Variants in SLC16A4 observed in about 807,000 individuals in gnomAD.
The protein encoded by SLC16A4 is probable monocarboxylate transporter 5.
Under a neutral mutation model 47.9 loss-of-function variants are expected in SLC16A4, and 39 were observed. That is an observed-to-expected ratio of 0.81 (90% confidence interval 0.63 to 1.06). The LOEUF is 1.06. SLC16A4 is among the 50% of genes least tolerant of loss of function. SLC16A4 has a pLI of 0.00. For missense variants in SLC16A4, 524 were observed against 573.8 expected, an observed-to-expected ratio of 0.91 and a Z score of 0.89; for synonymous variants, 189 against 199.9, an observed-to-expected ratio of 0.95 and a Z score of 0.46.
chr1:110,363,699 T>C lies in SLC16A4; in HGVS notation c.*67A>G. 1 of 1,440,570 alleles carries C rather than the reference T, an allele frequency of 6.9e-7. No individual in the cohort carries two copies. The highest frequency in any genetic ancestry group is 2.4e-5 in the East Asian group (1 of 41,292). 89.2% of individuals were successfully genotyped at this position (1,440,570 alleles called of 1,614,324 possible). ...ATGCGATGTGTTTCTTTCAAGCTTT[T>C]GTTTCCAATGACATTAGTTTAGGTT... On this transcript the variant is annotated 3_prime_UTR_variant, in exon 9 of 9. Transcript: ENST00000369779.
At position 110,378,847 on chromosome 1, in the gene SLC16A4, T is replaced by A. The variant is rs573998639; in HGVS notation, c.1030+6A>T. 6.3e-7 allele frequency: 1 copy of A among 1,598,072 alleles called. No homozygotes were observed. Among genetic ancestry groups the A allele is most frequent in the Non-Finnish European group, 8.5e-7 (1 of 1,171,744 alleles). Reference sequence around the variant, plus strand: ...TTGGGTAGGAGGCTGATGTAGGCTTTCTTACCTGCTACAGAAACAAGGTAA... The same window carrying A: ...TTGGGTAGGAGGCTGATGTAGGCTTACTTACCTGCTACAGAAACAAGGTAA... On this transcript the variant is annotated splice_donor_region_variant and intron_variant, in intron 6 of 8. Transcript: ENST00000369779.
intron 8 of SLC16A4, 26 bp from the exon 9 acceptor site, chr1:110,363,919 A>G: frequency 1.3e-6 from 2 of 1,586,360 alleles, no homozygotes; most frequent in Non-Finnish European, 8.5e-7. Flanking sequence ...GATTTCTGTT[A>G]GGGAAGGAAA....
chr1:110,370,854 C>T (rs1661651053), intron 8 of SLC16A4: 1 of 152,156 alleles, frequency 6.6e-6, no homozygotes, highest in Non-Finnish European at 1.5e-5. Context: ...CTCAGAATGT[C>T]TTCAATTAAA....
intron 2 of SLC16A4, among the ~76,000 whole-genome samples, chr1:110,388,456 CCAAA>C (rs1347941107): frequency 6.6e-6 from 1 of 152,120 alleles, no homozygotes; most frequent in Non-Finnish European, 1.5e-5. Flanking sequence ...AGACAGCAGG[CCAAA>C]CAGAGGAAAT....
At chr1:110,365,502 T>A (rs1019132303) in intron 8 of SLC16A4, among the ~76,000 whole-genome samples, 1 of 152,250 alleles carries the variant, frequency 6.6e-6, no homozygotes, top group African/African-American at 2.4e-5. Flanking sequence ...GCTTTTTACT[T>A]ACTGACTCCT....
intron 8 of SLC16A4, among the ~76,000 whole-genome samples, chr1:110,369,010 A>G (rs1377096526): frequency 6.7e-6 from 1 of 149,296 alleles, no homozygotes; most frequent in Admixed American, 6.7e-5. Flanking sequence ...GCTGAAATGC[A>G]GTGGTGCAAT....
In SLC16A4 at chr1:110,379,307, A is replaced by G; in HGVS notation, c.576T>C (p.Ser192=). The G allele has an allele frequency of 6.2e-7, 1 of 1,609,360 alleles. No individual in the cohort carries two copies. The highest frequency in any genetic ancestry group is 8.5e-7 in the Non-Finnish European group (1 of 1,176,030). ...GAIALNLVPS[S]MLLRPIHIKS... Reference sequence around the variant, plus strand: ...TGATATGGATGGGTCTTAAGAGCATACTAGAAGGCACCAAATTCAATGCGA... The same window carrying G: ...TGATATGGATGGGTCTTAAGAGCATGCTAGAAGGCACCAAATTCAATGCGA... Residue 192 remains serine, a synonymous_variant, in exon 6 of 9, where the codon AGT becomes AGC. Coordinates refer to ENST00000369779, the MANE Select transcript of SLC16A4 (RefSeq NM_004696.3).
At chr1:110,370,444 A>G (rs1206653848) in intron 8 of SLC16A4, 4 of 152,256 alleles carry the variant, frequency 2.6e-5, no homozygotes, top group Non-Finnish European at 1.5e-5. Context: ...GACCAGATGG[A>G]ATTTTTGTTT....
At chr1:110,385,080 C>T (rs1350659711) in intron 2 of SLC16A4, among the ~76,000 whole-genome samples, 2 of 152,144 alleles carry the variant, frequency 1.3e-5, no homozygotes, top group African/African-American at 2.4e-5. Flanking sequence ...TCTCGGCCCG[C>T]CTGTTACAGT....
intron 6 of SLC16A4, among the ~76,000 whole-genome samples, chr1:110,377,469 A>C (rs565280228): frequency 1.3e-5 from 2 of 152,364 alleles, no homozygotes; most frequent in Middle Eastern, 3.4e-3. Context: ...CCCTGGGCAC[A>C]GAAGGCCATG....
intron 2 of SLC16A4, among the ~76,000 whole-genome samples, chr1:110,388,502 G>A (rs1021185879): frequency 6.6e-6 from 1 of 152,148 alleles, no homozygotes; most frequent in Non-Finnish European, 1.5e-5. Context: ...AAGGGGCTGT[G>A]CCCACAGTGT....
chr1:110,370,228 T>G (rs1225358512), intron 8 of SLC16A4: 2 of 152,160 alleles, frequency 1.3e-5, no homozygotes, highest in African/African-American at 4.8e-5. Flanking sequence ...ATACATAAAA[T>G]ATTTACTTTT....
chr1:110,364,004 C>A, intron 8 of SLC16A4, 111 bp from the exon 9 acceptor site: 1 of 1,102,096 alleles, frequency 9.1e-7, no homozygotes, highest in South Asian at 2.5e-5. Context: ...CCCATTTGAA[C>A]TTAGTGAAGC....
intron 4 of SLC16A4, 43 bp downstream of exon 4, chr1:110,381,609 C>T (rs1662386490): frequency 1.9e-6 from 3 of 1,583,246 alleles, no homozygotes; most frequent in Admixed American, 1.9e-5. Flanking sequence ...GTGTGAGCCA[C>T]CACTCCTGGC....
chr1:110,383,048 T>G (rs1662509187), intron 2 of SLC16A4, 82 bp from the exon 3 acceptor site: 4 of 1,288,352 alleles, frequency 3.1e-6, no homozygotes, highest in Admixed American at 2.4e-5. Context: ...AAGTTATGAT[T>G]CCCTCAGCTT....
At chr1:110,383,869 A>G (rs1268706964) in intron 2 of SLC16A4, among the ~76,000 whole-genome samples, 1 of 113,394 alleles carries the variant, frequency 8.8e-6, no homozygotes, top group African/African-American at 3.5e-5. Context: ...AAGTTAAGCT[A>G]TCAACTAAGT....
At chr1:110,381,300 T>C (rs1265507772) in intron 4 of SLC16A4, among the ~76,000 whole-genome samples, 157 bp from the exon 5 acceptor site, 1 of 147,774 alleles carries the variant, frequency 6.8e-6, no homozygotes, top group Non-Finnish European at 1.5e-5. Context: ...CTTCTATGGA[T>C]GGATGCATAT....
Position 110,381,683 on chromosome 1 carries a change from A to AGGAATACTTGT in SLC16A4, c.322_332dup (p.Phe112GlnfsTer8). On this transcript the variant is annotated frameshift_variant, in exon 4 of 9. Transcript: ENST00000369779. LOFTEE classifies it high-confidence loss of function. ...GAAGTCCCATAGTCACACAAAGAAA[A>AGGAATACTTGT]GGAATACTTGTGGCCCAGCTGCTGA... is the stretch of plus-strand genomic sequence containing the variant. 5.0e-6 allele frequency: 8 copies of AGGAATACTTGT among 1,613,132 alleles called. No individual in the cohort carries two copies. The highest frequency in any genetic ancestry group is 6.8e-6 in the Non-Finnish European group (8 of 1,179,780).
intron 2 of SLC16A4, among the ~76,000 whole-genome samples, chr1:110,383,777 T>A (rs1435146954): frequency 1.3e-5 from 2 of 151,340 alleles, no homozygotes; most frequent in East Asian, 3.9e-4. Flanking sequence ...TGTTTTTTTT[T>A]TTTTTTGGAA....
Sources: gnomAD v4.1 joint callset for allele counts (sites outside exome capture counted in the v4.1 genomes callset) on GRCh38, gnomAD v4.1.1 for gene constraint, MANE v1.5 for transcripts, NCBI Gene and HGNC (gene_info 2026-07-23, HGNC 2026-07-21) for gene names.